Variants in ENPEP observed in about 807,000 individuals in gnomAD.
The protein encoded by ENPEP is AP-A.
Under a neutral mutation model 114.5 loss-of-function variants are expected in ENPEP, and 103 were observed. The observed-to-expected ratio is 0.90, with a 90% CI of 0.77 to 1.06. The LOEUF is 1.06. Among genes scored for constraint, ENPEP ranks in the 50% least tolerant of loss-of-function variants. The probability of loss-of-function intolerance (pLI) is 0.00; values close to 1 mark genes in which losing one functional copy is unlikely to be tolerated. For synonymous variants in ENPEP, 420 were observed against 422.0 expected, an observed-to-expected ratio of 1.00 and a Z score of 0.06; for missense variants, 1,196 against 1,161.3, an observed-to-expected ratio of 1.03 and a Z score of -0.43.
At chr4:110,477,684 T>C (rs72666187) in intron 1 of ENPEP, among the ~76,000 whole-genome samples, 3 of 152,130 alleles carry the variant, frequency 2.0e-5, no homozygotes, top group African/African-American at 7.2e-5. Context: ...GAAATATTCA[T>C]TGAGTCCACA....
At chr4:110,515,938 C>T (rs1484084084) in intron 8 of ENPEP, 5 of 370,826 alleles carry the variant, frequency 1.3e-5, no homozygotes, top group Non-Finnish European at 2.7e-5. Context: ...TATAAGGATA[C>T]TGGTTCCACC....
intron 3 of ENPEP, among the ~76,000 whole-genome samples, chr4:110,494,506 C>A (rs1027004362): frequency 1.3e-5 from 2 of 152,164 alleles, no homozygotes; most frequent in African/African-American, 4.8e-5. Flanking sequence ...TTATACTATG[C>A]AATCTAAGAA....
chr4:110,509,418 G>T (rs1167832762), intron 4 of ENPEP, among the ~76,000 whole-genome samples: 1 of 152,202 alleles, frequency 6.6e-6, no homozygotes, highest in Admixed American at 6.5e-5. Context: ...TGCCATTAGT[G>T]TCCTTCTTTA....
At chr4:110,526,473 A>G (rs1449685809) in intron 10 of ENPEP, among the ~76,000 whole-genome samples, 1 of 152,204 alleles carries the variant, frequency 6.6e-6, no homozygotes, top group African/African-American at 2.4e-5. Context: ...TCAAGGTCAC[A>G]CAGTGTAAAT....
intron 10 of ENPEP, among the ~76,000 whole-genome samples, chr4:110,529,502 T>A (rs1726322061): frequency 1.3e-5 from 2 of 152,152 alleles, no homozygotes; most frequent in Non-Finnish European, 1.5e-5. Flanking sequence ...CCAGCAAAGG[T>A]GCTGTATGAA....
intron 4 of ENPEP, among the ~76,000 whole-genome samples, chr4:110,508,269 CAAAAAAAA>C (rs11451516): frequency 9.1e-6 from 1 of 109,352 alleles, no homozygotes; most frequent in Non-Finnish European, 1.9e-5. Flanking sequence ...CAGTACTGAC[CAAAAAAAA>C]AAAAAAAAAA....
At chr4:110,559,914 G>A (rs535172510) in intron 19 of ENPEP, among the ~76,000 whole-genome samples, 189 bp downstream of exon 19, 1 of 152,182 alleles carries the variant, frequency 6.6e-6, no homozygotes, top group African/African-American at 2.4e-5. Context: ...GCATGTGTTA[G>A]GTATTTGTCC....
intron 8 of ENPEP, chr4:110,519,123 T>G (rs778624413): frequency 8.8e-6 from 4 of 455,610 alleles, no homozygotes; most frequent in South Asian, 1.6e-5. Flanking sequence ...AGAACAAATA[T>G]GGAGGCAGCA....
chr4:110,551,975 A>G (rs942601315), intron 17 of ENPEP, among the ~76,000 whole-genome samples: 1 of 152,064 alleles, frequency 6.6e-6, no homozygotes, highest in African/African-American at 2.4e-5. Context: ...CTGGTGCACT[A>G]TCTGTCATCC....
chr4:110,527,520 G>T (rs574394117), intron 10 of ENPEP, among the ~76,000 whole-genome samples: 4 of 152,220 alleles, frequency 2.6e-5, no homozygotes, highest in South Asian at 4.2e-4. Context: ...AAGATTAGAT[G>T]ATGATGGAGA....
intron 4 of ENPEP, among the ~76,000 whole-genome samples, chr4:110,507,073 C>G (rs993776634): frequency 6.6e-6 from 1 of 152,156 alleles, no homozygotes; most frequent in Admixed American, 6.6e-5. Context: ...CAAATAGCAA[C>G]GTAGATCAGT....
intron 8 of ENPEP, among the ~76,000 whole-genome samples, chr4:110,517,037 G>A (rs565206048): frequency 1.3e-5 from 2 of 152,070 alleles, no homozygotes; most frequent in African/African-American, 2.4e-5. Context: ...TCTGCCTCCC[G>A]GGTTCAAGCG....
intron 1 of ENPEP, among the ~76,000 whole-genome samples, chr4:110,477,280 T>C (rs1724149563): frequency 6.6e-6 from 1 of 152,158 alleles, no homozygotes; most frequent in Non-Finnish European, 1.5e-5. Flanking sequence ...CTTCGTAGAG[T>C]CAAAAGTCAG....
At chr4:110,545,214 A>G (rs532734863) in intron 13 of ENPEP, among the ~76,000 whole-genome samples, 116 of 152,224 alleles carry the variant, frequency 7.6e-4, no homozygotes, top group African/African-American at 2.5e-3. Flanking sequence ...AGTAACCATT[A>G]TATTTAATAA....
intron 1 of ENPEP, among the ~76,000 whole-genome samples, chr4:110,485,308 T>C (rs761203367): frequency 1.3e-5 from 2 of 152,196 alleles, no homozygotes; most frequent in Non-Finnish European, 2.9e-5. Context: ...TATTGTGACA[T>C]AATTTCAGAC....
In ENPEP at chr4:110,476,802, C is replaced by A. The variant is rs200626632; in HGVS notation, c.388C>A (p.Arg130=). 32 of 1,614,100 alleles carry A rather than the reference C, an allele frequency of 2.0e-5. No individual in the cohort carries two copies. In the African/African-American group the frequency reaches 3.7e-4, roughly 19 times the overall value. Residue 130 remains arginine (R), a synonymous_variant, in exon 1 of 20, where the codon CGG becomes AGG. Coordinates refer to ENST00000265162, the MANE Select transcript of ENPEP (RefSeq NM_001977.4). The part of the protein sequence containing the change: ...SISINLSAPT[R]YLWLHLRETR... ...CTCCATCAACCTGAGCGCTCCCACC[C>A]GGTACCTGTGGCTGCACCTCCGGGA...
intron 3 of ENPEP, among the ~76,000 whole-genome samples, chr4:110,499,340 G>T (rs1725065898): frequency 1.3e-5 from 2 of 152,188 alleles, no homozygotes; most frequent in Non-Finnish European, 2.9e-5. Context: ...TACAGCTGGG[G>T]AGGTCAAGAT....
rs1323410650 is a variant in ENPEP at position 110,476,582 on chromosome 4, T to A, written c.168T>A (p.Ala56=). ...ACGGCGGGCCGGGCACTGCGCCAGC[T>A]CCTTCCCACCTGCCTTCTTCCACGG... The part of the protein sequence containing the change: ...SGDGGPGTAP[A]PSHLPSSTAS... Residue 56 remains alanine, a synonymous_variant, in exon 1 of 20, where the codon GCT becomes GCA. Transcript: ENST00000265162. 6.2e-7 allele frequency: 1 copy of A among 1,613,894 alleles called. No homozygotes were observed. Among genetic ancestry groups the A allele is most frequent in the Non-Finnish European group, 8.5e-7 (1 of 1,179,934 alleles).
At position 110,491,150 on chromosome 4, in the gene ENPEP, A is replaced by T; in HGVS notation, c.904A>T (p.Asn302Tyr). The change falls in exon 3 of 20, where the codon AAT (asparagine) becomes TAT (tyrosine). Residue 302 changes from asparagine (N) to tyrosine (Y), a missense_variant. Asn to Tyr is a moderately radical substitution (Grantham distance 143). Coordinates refer to ENST00000265162, the MANE Select transcript of ENPEP (RefSeq NM_001977.4). ...HQFDSVKRIS[N>Y]SGKPLTIYVQ... ...ATTTGACTCTGTAAAGAGAATATCA[A>T]ATAGTGGAAAACCTGTGAGTCTCAT... 6.2e-7 allele frequency: 1 copy of T among 1,606,572 alleles called. No homozygotes were observed. Among genetic ancestry groups the T allele is most frequent in the Admixed American group, 1.7e-5 (1 of 58,772 alleles).
Sources: gnomAD v4.1 joint callset for allele counts (sites outside exome capture counted in the v4.1 genomes callset) on GRCh38, gnomAD v4.1.1 for gene constraint, MANE v1.5 for transcripts, NCBI Gene and HGNC (gene_info 2026-07-23, HGNC 2026-07-21) for gene names.